DCC: variants seen among roughly 807,000 people sequenced by gnomAD.
DCC encodes netrin receptor DCC.
A neutral mutation model predicts 172.5 loss-of-function variants in DCC; 58 were observed. The observed-to-expected ratio is 0.34, with a 90% CI of 0.27 to 0.42. DCC has a LOEUF of 0.42. Ranked by LOEUF, DCC falls within the 10% of genes least tolerant of loss-of-function variation. DCC has a pLI of 1.00. For missense variants in DCC, 1,740 were observed against 1,791.0 expected (o/e 0.97, Z 0.51); for synonymous variants, 709 against 644.5 (o/e 1.10, Z -1.52).
intron 12 of DCC, among the ~76,000 whole-genome samples, chr18:53,240,819 A>G (rs950717166): frequency 3.2e-4 from 48 of 152,164 alleles, no homozygotes; most frequent in Admixed American, 1.9e-3. Flanking sequence ...GTCAGATTCT[A>G]TTTTTAAAAA....
intron 1 of DCC, among the ~76,000 whole-genome samples, chr18:52,599,303 T>C (rs1162533775): frequency 6.6e-6 from 1 of 151,860 alleles, no homozygotes; most frequent in Non-Finnish European, 1.5e-5. Flanking sequence ...AAACCAGGGG[T>C]CGAAAAACCT....
intron 25 of DCC, among the ~76,000 whole-genome samples, chr18:53,477,942 G>C (rs188765698): frequency 6.6e-6 from 1 of 152,200 alleles, no homozygotes; most frequent in Admixed American, 6.5e-5. Context: ...TTTGTATAAT[G>C]GCCAAAAATT....
intron 8 of DCC, among the ~76,000 whole-genome samples, chr18:53,162,772 T>C (rs1209517925): frequency 1.3e-5 from 2 of 152,200 alleles, no homozygotes; most frequent in African/African-American, 4.8e-5. Flanking sequence ...GTACTTTTTA[T>C]TTTTATTTTT....
intron 8 of DCC, among the ~76,000 whole-genome samples, chr18:53,159,384 A>G (rs2054798843): frequency 6.6e-6 from 1 of 152,158 alleles, no homozygotes; most frequent in South Asian, 2.1e-4. Flanking sequence ...TTCCTCGTGA[A>G]GTCTTGTCAA....
chr18:52,933,553 C>A (rs73458980), intron 5 of DCC, among the ~76,000 whole-genome samples: 7,539 of 151,888 alleles, frequency 0.05, 255 homozygotes, highest in South Asian at 0.14. Context: ...ATTGTGGGTA[C>A]AAAGGAATCT....
At chr18:53,456,384 C>T (rs2045483341) in intron 23 of DCC, among the ~76,000 whole-genome samples, 1 of 152,046 alleles carries the variant, frequency 6.6e-6, no homozygotes, top group South Asian at 2.1e-4. Flanking sequence ...TCAAGAATAC[C>T]TGGGGTAGAA....
At chr18:53,455,197 A>G (rs1265344189) in intron 23 of DCC, among the ~76,000 whole-genome samples, 2 of 152,128 alleles carry the variant, frequency 1.3e-5, no homozygotes, top group African/African-American at 4.8e-5. Flanking sequence ...CTCAATCCCT[A>G]TCAGATGTTG....
intron 15 of DCC, among the ~76,000 whole-genome samples, chr18:53,382,037 T>A (rs911141365): frequency 3.4e-5 from 5 of 147,640 alleles, no homozygotes; most frequent in Admixed American, 2.1e-4. Context: ...AATCTAGCCG[T>A]TTTTCTTTTC....
intron 1 of DCC, among the ~76,000 whole-genome samples, chr18:52,449,807 T>C (rs1396274255): frequency 6.6e-6 from 1 of 152,220 alleles, no homozygotes; most frequent in Non-Finnish European, 1.5e-5. Context: ...GATGGTTTTA[T>C]AAAGGGCAGT....
chr18:52,619,040 C>T (rs1175023604), intron 1 of DCC, among the ~76,000 whole-genome samples: 5 of 152,272 alleles, frequency 3.3e-5, no homozygotes, highest in South Asian at 2.1e-4. Flanking sequence ...CAGGCTCAAG[C>T]AATTCTTGTG....
At chr18:52,785,139 A>T (rs2037632171) in intron 2 of DCC, among the ~76,000 whole-genome samples, 1 of 152,078 alleles carries the variant, frequency 6.6e-6, no homozygotes, top group South Asian at 2.1e-4. Context: ...TTTCCAGTTA[A>T]TCGACACCAT....
intron 9 of DCC, among the ~76,000 whole-genome samples, chr18:53,181,911 G>T (rs1381639327): frequency 6.6e-6 from 1 of 152,164 alleles, no homozygotes; most frequent in Non-Finnish European, 1.5e-5. Context: ...ATATTACCTA[G>T]TTAATTTCTT....
chr18:53,142,434 TA>T (rs1261048183), intron 7 of DCC, among the ~76,000 whole-genome samples: 2 of 152,322 alleles, frequency 1.3e-5, no homozygotes, highest in African/African-American at 2.4e-5. Context: ...TTTTTTTAAA[TA>T]AGTTCTTTAC....
intron 5 of DCC, among the ~76,000 whole-genome samples, chr18:52,950,490 GAT>G (rs2040621195): frequency 1.3e-5 from 2 of 152,186 alleles, no homozygotes; most frequent in South Asian, 4.1e-4. Context: ...GGACAAGAGA[GAT>G]ATAGATTATA....
intron 11 of DCC, among the ~76,000 whole-genome samples, chr18:53,213,842 A>G (rs1226049700): frequency 6.6e-6 from 1 of 151,814 alleles, no homozygotes; most frequent in Non-Finnish European, 1.5e-5. Flanking sequence ...GTCAATAATT[A>G]TAACGTTTAG....
intron 2 of DCC, among the ~76,000 whole-genome samples, chr18:52,845,456 C>A (rs12967277): frequency 2.0e-5 from 3 of 152,058 alleles, no homozygotes; most frequent in Non-Finnish European, 4.4e-5. Context: ...GCCATGGCCC[C>A]CCTGAGAGGA....
At chr18:53,221,356 C>T (rs1314086964) in intron 12 of DCC, among the ~76,000 whole-genome samples, 1 of 151,956 alleles carries the variant, frequency 6.6e-6, no homozygotes. Flanking sequence ...TGTTTGAAGC[C>T]ACGAGATTTT....
chr18:53,159,118 A>G lies in DCC; in HGVS notation c.1418+1606A>G, dbSNP rs2054795453. Reference sequence around the variant, plus strand: ...CTCTGTAACTATTTGTGATCTTACGATGCCTCCTGAGTTCCTTGGATTTCA... The same window carrying G: ...CTCTGTAACTATTTGTGATCTTACGGTGCCTCCTGAGTTCCTTGGATTTCA... On this transcript the variant is annotated intron_variant, in intron 8 of 28. Transcript: ENST00000442544. Among the ~76,000 whole-genome samples, 3 of 151,966 alleles carry G rather than the reference A, an allele frequency of 2.0e-5. No individual in the cohort carries two copies. In the South Asian group the frequency reaches 6.2e-4, roughly 32 times the overall value.
chr18:52,902,597 G>A (rs901382472), intron 2 of DCC, among the ~76,000 whole-genome samples: 25 of 152,192 alleles, frequency 1.6e-4, no homozygotes, highest in African/African-American at 4.6e-4. Flanking sequence ...ATACGTATGC[G>A]TTATAGTGAG....
Sources: allele counts gnomAD v4.1 joint callset (sites outside exome capture counted in the v4.1 genomes callset), GRCh38; gene constraint gnomAD v4.1.1; transcripts MANE v1.5; gene names NCBI Gene and HGNC (gene_info 2026-07-23, HGNC 2026-07-21).